Variants in MAN1C1 observed in about 807,000 individuals in gnomAD.
MAN1C1 encodes mannosidase alpha class 1C member 1.
Under a neutral mutation model 71.5 loss-of-function variants are expected in MAN1C1, and 49 were observed. The ratio of observed to expected loss-of-function variants is 0.69; its 90% CI spans 0.54 to 0.87. The LOEUF (loss-of-function observed/expected upper bound fraction) is 0.87. Among genes scored for constraint, MAN1C1 ranks in the 40% least tolerant of loss-of-function variants. The probability of loss-of-function intolerance (pLI) is 0.00; values close to 1 mark genes in which losing one functional copy is unlikely to be tolerated. For missense variants in MAN1C1, 743 were observed against 835.0 expected, an observed-to-expected ratio of 0.89 and a Z score of 1.36; for synonymous variants, 352 against 343.7, an observed-to-expected ratio of 1.02 and a Z score of -0.27.
In MAN1C1 at chr1:25,769,012, C is replaced by A. The variant is rs1329502444; in HGVS notation, c.1142-2645C>A. The stretch of plus-strand genomic sequence containing the variant: ...CACATATACATACACTACACACTCC[C>A]CTCAGGCACACACACTACACACCAC... On this transcript the variant is annotated intron_variant, in intron 7 of 11. Transcript: ENST00000374332. The surrounding 1 kb of genome is among the most constrained non-coding windows in gnomAD (Gnocchi z 4.8). Among the ~76,000 whole-genome samples the A allele has an allele frequency of 5.4e-5, 8 of 147,894 alleles. No individual in the cohort carries two copies. The highest frequency in any genetic ancestry group is 2.0e-4 in the African/African-American group (8 of 40,048).
At chr1:25,651,745 G>A (rs979025561) in intron 1 of MAN1C1, among the ~76,000 whole-genome samples, 19 of 152,176 alleles carry the variant, frequency 1.2e-4, no homozygotes, top group Non-Finnish European at 2.1e-4. Context: ...ATGACCTGAG[G>A]TTAAATGTCA....
At chr1:25,620,114 A>G (rs1003116417) in intron 1 of MAN1C1, among the ~76,000 whole-genome samples, 2 of 152,174 alleles carry the variant, frequency 1.3e-5, no homozygotes, top group African/African-American at 2.4e-5. Flanking sequence ...GTGTAAGACA[A>G]TTTATTTTGC....
intron 2 of MAN1C1, among the ~76,000 whole-genome samples, chr1:25,729,716 T>G (rs2046884276): frequency 1.3e-5 from 2 of 152,136 alleles, no homozygotes; most frequent in Admixed American, 6.5e-5. Flanking sequence ...GTCACCATGT[T>G]GGCCAGGATA....
rs960193202 is a variant in MAN1C1 at position 25,764,620 on chromosome 1, G to A, written c.1141+653G>A. 6.6e-6 allele frequency among the ~76,000 whole-genome samples: 1 copy of A among 151,940 alleles called. No homozygotes were observed. The highest frequency in any genetic ancestry group is 2.4e-5 in the African/African-American group (1 of 41,382). On this transcript the variant is annotated intron_variant, in intron 7 of 11. Coordinates refer to ENST00000374332, the MANE Select transcript of MAN1C1 (RefSeq NM_020379.4). This position sits in a 1 kb window ranked among gnomAD's most constrained non-coding sequence, Gnocchi z 4.4. Reference sequence around the variant, plus strand: ...AGTAGAGATGGGGTTTAGTAGAGATGTTGGCCAAGCTGGTCTCGAACTCCT... The same window carrying A: ...AGTAGAGATGGGGTTTAGTAGAGATATTGGCCAAGCTGGTCTCGAACTCCT...
intron 4 of MAN1C1, among the ~76,000 whole-genome samples, chr1:25,750,675 G>A (rs966543694): frequency 1.3e-5 from 2 of 152,226 alleles, no homozygotes; most frequent in African/African-American, 4.8e-5. Flanking sequence ...GCAGAGATTA[G>A]CGCTTGTACC....
chr1:25,709,898 A>C (rs957447420), intron 2 of MAN1C1: 3 of 152,140 alleles, frequency 2.0e-5, no homozygotes, highest in Admixed American at 2.0e-4. Flanking sequence ...GGCGCCCGCA[A>C]CCACGCCCAG....
rs1378684991 is a variant in MAN1C1 at position 25,763,968 on chromosome 1, G to GT, written c.1141+2dup. 3 of 1,612,798 alleles carry GT rather than the reference G, an allele frequency of 1.9e-6. No individual in the cohort carries two copies. Among genetic ancestry groups the GT allele is most frequent in the African/African-American group, 2.7e-5 (2 of 74,912 alleles). ...CCAGTGAGTGGGAACTGGGTGCAACGTGAGTACAGAGACGCCACTGCCCCT... is the reference window on the plus strand; with the variant it reads ...CCAGTGAGTGGGAACTGGGTGCAACGTTGAGTACAGAGACGCCACTGCCCCT... On this transcript the variant is annotated splice_donor_variant, in intron 7 of 11. Coordinates refer to ENST00000374332, the MANE Select transcript of MAN1C1 (RefSeq NM_020379.4). LOFTEE classifies it high-confidence loss of function.
intron 1 of MAN1C1, among the ~76,000 whole-genome samples, chr1:25,673,059 G>A (rs2046013819): frequency 6.6e-6 from 1 of 152,126 alleles, no homozygotes; most frequent in Non-Finnish European, 1.5e-5. Flanking sequence ...CGGGGAGGGG[G>A]AAAGGAGGTG....
intron 2 of MAN1C1, among the ~76,000 whole-genome samples, chr1:25,701,466 A>C (rs568320608): frequency 1.3e-4 from 20 of 152,316 alleles, no homozygotes; most frequent in African/African-American, 4.6e-4. Flanking sequence ...TCAGGCCTGC[A>C]CACCTGGCAA....
chr1:25,649,525 T>A (rs114586192), intron 1 of MAN1C1, among the ~76,000 whole-genome samples: 2,983 of 152,274 alleles, frequency 0.02, 100 homozygotes, highest in African/African-American at 0.068. Flanking sequence ...GGCAATGAGG[T>A]CCTCATATTT....
intron 2 of MAN1C1, among the ~76,000 whole-genome samples, chr1:25,723,833 G>A (rs1428045555): frequency 6.6e-6 from 1 of 152,172 alleles, no homozygotes; most frequent in Admixed American, 6.5e-5. Flanking sequence ...GTTCTAAGTG[G>A]TGCTTGGACT....
intron 1 of MAN1C1, among the ~76,000 whole-genome samples, chr1:25,669,753 C>T (rs1179163248): frequency 6.6e-6 from 1 of 152,166 alleles, no homozygotes; most frequent in Non-Finnish European, 1.5e-5. Context: ...GTACTGCACT[C>T]CTGTCTGGAT....
At chr1:25,649,100 G>A (rs894669757) in intron 1 of MAN1C1, among the ~76,000 whole-genome samples, 4 of 152,174 alleles carry the variant, frequency 2.6e-5, no homozygotes, top group African/African-American at 9.7e-5. Flanking sequence ...TGTCAAGCAC[G>A]TACCAGGAAG....
At chr1:25,688,038 T>C (rs956363195) in intron 2 of MAN1C1, among the ~76,000 whole-genome samples, 3 of 152,232 alleles carry the variant, frequency 2.0e-5, no homozygotes, top group Non-Finnish European at 4.4e-5. Flanking sequence ...TCTGTGATTG[T>C]ATGGATATGC....
intron 10 of MAN1C1, chr1:25,781,368 A>G: frequency 2.4e-6 from 1 of 415,890 alleles, no homozygotes; most frequent in Non-Finnish European, 4.4e-6. Context: ...GCCTGGGACC[A>G]GGCCTCAGCA....
intron 1 of MAN1C1, among the ~76,000 whole-genome samples, chr1:25,651,805 A>G (rs569413031): frequency 6.6e-6 from 1 of 152,348 alleles, no homozygotes; most frequent in Non-Finnish European, 1.5e-5. Context: ...ATTGGGGGTT[A>G]TATCAGGCTG....
At chr1:25,683,398 G>A (rs2046182705) in intron 1 of MAN1C1, among the ~76,000 whole-genome samples, 1 of 152,226 alleles carries the variant, frequency 6.6e-6, no homozygotes, top group African/African-American at 2.4e-5. Context: ...CCAGCCACGT[G>A]TTAAGCTCCA....
chr1:25,711,384 T>C lies in MAN1C1; in HGVS notation c.637+24848T>C, dbSNP rs897679675. ...TTTGCCTTCTATCACACCAGACTCCTTCCCACTCAGACATCTCTAAAGTCA... is the reference window on the plus strand; with the variant it reads ...TTTGCCTTCTATCACACCAGACTCCCTCCCACTCAGACATCTCTAAAGTCA... On this transcript the variant is annotated intron_variant, in intron 2 of 11. Coordinates refer to ENST00000374332, the MANE Select transcript of MAN1C1 (RefSeq NM_020379.4). This position sits in a 1 kb window ranked among gnomAD's most constrained non-coding sequence, Gnocchi z 4.3. Among the ~76,000 whole-genome samples, 4 of 152,154 alleles carry C rather than the reference T, an allele frequency of 2.6e-5. No individual in the cohort carries two copies. Among genetic ancestry groups the C allele is most frequent in the Non-Finnish European group, 5.9e-5 (4 of 68,022 alleles).
chr1:25,749,471 C>T (rs1458137411), intron 4 of MAN1C1, 136 bp downstream of exon 4: 1 of 639,508 alleles, frequency 1.6e-6, no homozygotes, highest in Non-Finnish European at 2.6e-6. Flanking sequence ...CACCCAAGTC[C>T]ACCCCTGAGG....
Sources: gnomAD v4.1 joint callset for allele counts (sites outside exome capture counted in the v4.1 genomes callset) on GRCh38, gnomAD v4.1.1 for gene constraint, Gnocchi (gnomAD v3.1) non-coding constraint, MANE v1.5 for transcripts, NCBI Gene and HGNC (gene_info 2026-07-23, HGNC 2026-07-21) for gene names.